TNPO1: variants seen among roughly 807,000 people sequenced by gnomAD.
TNPO1 encodes transportin 1, also known as transportin-1.
TNPO1 carries 8 observed loss-of-function variants against 119.5 expected under a neutral mutation model. That is an observed-to-expected ratio of 0.07 (90% CI 0.04 to 0.12). The LOEUF (loss-of-function observed/expected upper bound fraction) is 0.12. Ranked by LOEUF, TNPO1 falls within the 10% of genes least tolerant of loss-of-function variation. TNPO1 has a pLI of 1.00. For synonymous variants in TNPO1, 362 were observed against 363.0 expected, an observed-to-expected ratio of 1.00 and a Z score of 0.03; for missense variants, 576 against 1,089.8, an observed-to-expected ratio of 0.53 and a Z score of 6.64.
chr5:72,825,853 A>T (rs1255201712), intron 1 of TNPO1: 1 of 152,180 alleles, frequency 6.6e-6, no homozygotes, highest in Non-Finnish European at 1.5e-5. Flanking sequence ...TTTATAAGCT[A>T]TCTCATTTAT....
chr5:72,866,969 G>A (rs1197996419), intron 6 of TNPO1, among the ~76,000 whole-genome samples: 2 of 152,012 alleles, frequency 1.3e-5, no homozygotes, highest in Admixed American at 6.6e-5. Context: ...GAGGCCAGGA[G>A]TTAGAGACCA....
chr5:72,894,579 G>C (rs1222063831), intron 18 of TNPO1, among the ~76,000 whole-genome samples: 1 of 152,292 alleles, frequency 6.6e-6, no homozygotes, highest in East Asian at 1.9e-4. Context: ...ACTGAGGCAG[G>C]AAAATCGCTT....
intron 1 of TNPO1, among the ~76,000 whole-genome samples, chr5:72,829,713 G>T (rs1744362129): frequency 6.6e-6 from 1 of 152,210 alleles, no homozygotes; most frequent in African/African-American, 2.4e-5. Context: ...TAAACCAAAT[G>T]AGAGTATGTG....
intron 13 of TNPO1, among the ~76,000 whole-genome samples, chr5:72,889,445 G>C (rs1056258232): frequency 6.6e-5 from 10 of 152,030 alleles, no homozygotes; most frequent in African/African-American, 2.2e-4. Flanking sequence ...GATTATGTTT[G>C]AGATCCTATA....
At chr5:72,829,422 A>G (rs537601792) in intron 1 of TNPO1, among the ~76,000 whole-genome samples, 45 of 152,386 alleles carry the variant, frequency 3.0e-4, no homozygotes, top group South Asian at 4.1e-4. Flanking sequence ...CTGGCACAGT[A>G]CTGTGCTCTT....
intron 23 of TNPO1, 92 bp from the exon 24 acceptor site, chr5:72,905,211 A>G: frequency 1.1e-6 from 1 of 925,856 alleles, no homozygotes; most frequent in Non-Finnish European, 1.7e-6. Context: ...GATAAAATTT[A>G]TAAAAAAATC....
intron 20 of TNPO1, among the ~76,000 whole-genome samples, chr5:72,897,740 T>C (rs1186823651): frequency 6.6e-6 from 1 of 151,878 alleles, no homozygotes; most frequent in African/African-American, 2.4e-5. Flanking sequence ...GTGGATTCGG[T>C]CCTTTTCTTT....
Position 72,869,503 on chromosome 5 carries a change from C to T in TNPO1, c.597-3136C>T, listed in dbSNP as rs1303052587. On this transcript the variant is annotated intron_variant, in intron 6 of 24. Transcript: ENST00000337273. ...CGGAGGTTGTGGTGAGCTGACATTG[C>T]GCCACTGCACTCCCTCCTGGGTGAC... Among the ~76,000 whole-genome samples the T allele has an allele frequency of 5.3e-5, 8 of 152,114 alleles. No homozygotes were observed. In the South Asian group the frequency reaches 6.2e-4, roughly 12 times the overall value.
At chr5:72,873,855 G>A (rs1009984110) in intron 7 of TNPO1, among the ~76,000 whole-genome samples, 6 of 151,998 alleles carry the variant, frequency 3.9e-5, no homozygotes, top group Non-Finnish European at 2.9e-5. Flanking sequence ...AAGTAAATTG[G>A]AACAATGGCT....
At chr5:72,855,970 C>G (rs368769394) in intron 4 of TNPO1, 47 bp downstream of exon 4, 7 of 1,577,304 alleles carry the variant, frequency 4.4e-6, no homozygotes, top group Non-Finnish European at 6.1e-6. Context: ...GTAACTGGGT[C>G]ATTTTTAGAG....
chr5:72,818,742 C>G lies in TNPO1; in HGVS notation c.15+1990C>G, dbSNP rs116771116. On this transcript the variant is annotated intron_variant, in intron 1 of 24. Coordinates refer to ENST00000337273, the MANE Select transcript of TNPO1 (RefSeq NM_002270.4). ...TTGGTGCTAAAAAGATATCTTCCCC[C>G]CTCAAAACAGTTTGGTTTACCAGCA... 4.2e-3 allele frequency among the ~76,000 whole-genome samples: 633 copies of G among 152,022 alleles called. 3 individuals are homozygous for G. The highest frequency in any genetic ancestry group is 0.015 in the African/African-American group (618 of 41,468).
chr5:72,827,686 G>A (rs917766151), intron 1 of TNPO1, among the ~76,000 whole-genome samples: 11 of 152,234 alleles, frequency 7.2e-5, no homozygotes, highest in African/African-American at 2.6e-4. Context: ...GATTGGAATG[G>A]GTTGGAGAAG....
At chr5:72,860,863 G>A (rs1299575448) in intron 4 of TNPO1, among the ~76,000 whole-genome samples, 1 of 151,856 alleles carries the variant, frequency 6.6e-6, no homozygotes, top group East Asian at 1.9e-4. Flanking sequence ...GTTAAGTGCT[G>A]CTAACGTTTT....
chr5:72,820,216 T>A (rs2112155435), intron 1 of TNPO1, among the ~76,000 whole-genome samples: 1 of 152,288 alleles, frequency 6.6e-6, no homozygotes, highest in Admixed American at 6.5e-5. Flanking sequence ...AGTTTCTAAT[T>A]TTTTTGCAGT....
intron 4 of TNPO1, among the ~76,000 whole-genome samples, chr5:72,860,591 C>T (rs1561317971): frequency 6.6e-6 from 1 of 152,238 alleles, no homozygotes; most frequent in East Asian, 1.9e-4. Flanking sequence ...CATGGGCCAC[C>T]CAGCCTCGAA....
intron 1 of TNPO1, among the ~76,000 whole-genome samples, chr5:72,833,189 A>G (rs1213564657): frequency 1.6e-4 from 24 of 152,174 alleles, no homozygotes; most frequent in Admixed American, 1.6e-3. Flanking sequence ...CTTAATCAGG[A>G]TAGCAATATT....
chr5:72,905,311 T>C lies in TNPO1; in HGVS notation c.2598T>C (p.His866=), dbSNP rs765257074. The change falls in exon 24 of 25, where the codon CAT becomes CAC. Residue 866 remains histidine (H), a synonymous_variant. Transcript: ENST00000337273. ...GTTTTTCACTCTTACAGATCCTTCA[T>C]GGATTTAAAAATCAAGTTGGCGATG... The part of the protein sequence containing the change: ...DLRDMFCKIL[H]GFKNQVGDEN... 1 of 1,610,008 alleles carries C rather than the reference T, an allele frequency of 6.2e-7. No homozygotes were observed. Among genetic ancestry groups the C allele is most frequent in the Non-Finnish European group, 8.5e-7 (1 of 1,178,824 alleles).
intron 1 of TNPO1, among the ~76,000 whole-genome samples, chr5:72,843,584 A>G (rs1365443218): frequency 6.9e-6 from 1 of 144,556 alleles, no homozygotes; most frequent in East Asian, 2.1e-4. Flanking sequence ...ACAGAGCAAG[A>G]TTCCGTCTCA....
chr5:72,861,206 C>T (rs1048258555), intron 4 of TNPO1, among the ~76,000 whole-genome samples: 1 of 151,898 alleles, frequency 6.6e-6, no homozygotes, highest in Non-Finnish European at 1.5e-5. Context: ...CCACCGTGCC[C>T]AGCCATTAGA....
Sources: gnomAD v4.1 joint callset for allele counts (sites outside exome capture counted in the v4.1 genomes callset) on GRCh38, gnomAD v4.1.1 for gene constraint, MANE v1.5 for transcripts, NCBI Gene and HGNC (gene_info 2026-07-23, HGNC 2026-07-21) for gene names.